The following TFPI variants were observed in gnomAD, a reference collection of about 807,000 sequenced individuals.
TFPI encodes the protein anti-convertin.
A neutral mutation model predicts 34.6 loss-of-function variants in TFPI; 15 were observed. The observed-to-expected ratio is 0.43, with a 90% CI of 0.29 to 0.67. The LOEUF (loss-of-function observed/expected upper bound fraction) is 0.67, where lower values mean the gene tolerates loss of function less well. Among genes scored for constraint, TFPI ranks in the 30% least tolerant of loss-of-function variants. The pLI is 0.15. For synonymous variants in TFPI, 105 were observed against 120.1 expected (o/e 0.87, Z 0.82); for missense variants, 301 against 364.0 (o/e 0.83, Z 1.41).
At chr2:187,510,413 T>C (rs1166625633) in intron 1 of TFPI, among the ~76,000 whole-genome samples, 3 of 152,162 alleles carry the variant, frequency 2.0e-5, no homozygotes, top group Non-Finnish European at 2.9e-5. Context: ...AAAAGCCCCT[T>C]GTGTTAAAAA....
At chr2:187,488,609 A>G (rs1693467678) in intron 3 of TFPI, among the ~76,000 whole-genome samples, 1 of 151,398 alleles carries the variant, frequency 6.6e-6, no homozygotes, top group Non-Finnish European at 1.5e-5. Context: ...AACTATGATA[A>G]AACTTTCTAA....
intron 3 of TFPI, among the ~76,000 whole-genome samples, chr2:187,489,293 A>G (rs1444073472): frequency 1.3e-5 from 2 of 151,376 alleles, no homozygotes; most frequent in Non-Finnish European, 3.0e-5. Context: ...TCTTCTATGG[A>G]GAGTAAAATG....
At chr2:187,532,074 G>A (rs1687986194) in intron 1 of TFPI, among the ~76,000 whole-genome samples, 1 of 151,990 alleles carries the variant, frequency 6.6e-6, no homozygotes, top group Non-Finnish European at 1.5e-5. Flanking sequence ...AAAACATAAA[G>A]CAGAATAAAG....
At chr2:187,473,796 G>A (rs1418276092) in intron 6 of TFPI, among the ~76,000 whole-genome samples, 1 of 150,946 alleles carries the variant, frequency 6.6e-6, no homozygotes, top group African/African-American at 2.4e-5. Flanking sequence ...AACAAGCACT[G>A]TGGAGCTTTT....
At chr2:187,486,443 A>G (rs1389674866) in intron 4 of TFPI, among the ~76,000 whole-genome samples, 1 of 151,610 alleles carries the variant, frequency 6.6e-6, no homozygotes. Flanking sequence ...AAGTATAATT[A>G]AGAAATTATA....
At chr2:187,550,517 C>A (rs1689059461) in intron 1 of TFPI, among the ~76,000 whole-genome samples, 1 of 151,990 alleles carries the variant, frequency 6.6e-6, no homozygotes, top group Admixed American at 6.6e-5. Context: ...ACAACATATA[C>A]CAACACCCAA....
chr2:187,513,918 T>A (rs918345829), intron 1 of TFPI: 1 of 152,200 alleles, frequency 6.6e-6, no homozygotes, highest in Admixed American at 6.5e-5. Context: ...AAGACAGCCC[T>A]CTACTTCAGA....
intron 6 of TFPI, among the ~76,000 whole-genome samples, chr2:187,478,320 A>T (rs1208139686): frequency 6.6e-6 from 1 of 152,214 alleles, no homozygotes; most frequent in African/African-American, 2.4e-5. Context: ...AGATCGCGCC[A>T]TTGCACTCCA....
chr2:187,467,789 T>C lies in TFPI; in HGVS notation c.772A>G (p.Thr258Ala), dbSNP rs1691798950. 6.2e-7 allele frequency: 1 copy of C among 1,611,156 alleles called. No homozygotes were observed. The highest frequency in any genetic ancestry group is 1.7e-5 in the Admixed American group (1 of 59,310). Residue 258 changes from threonine (T) to alanine (A), a missense_variant, in exon 7 of 8, where the codon ACT becomes GCT. Coordinates refer to ENST00000233156, the MANE Select transcript of TFPI (RefSeq NM_006287.6). ...SGCGGNENNF[T>A]SKQECLRACK... is the part of the protein sequence containing the mutation. ...GCCCTCAGACATTCTTGTTTGGAAG[T>C]AAAATTGTTTTCATTTCCCCCACAT...
chr2:187,503,373 G>A (rs1371057790), intron 2 of TFPI, among the ~76,000 whole-genome samples: 1 of 151,652 alleles, frequency 6.6e-6, no homozygotes, highest in Non-Finnish European at 1.5e-5. Context: ...AGCTACTCCA[G>A]TGTTTAATAT....
intron 2 of TFPI, 85 bp from the exon 3 acceptor site, chr2:187,497,163 A>C: frequency 8.1e-7 from 1 of 1,230,588 alleles, no homozygotes; most frequent in South Asian, 1.5e-5. Flanking sequence ...ATATGTCCTG[A>C]TTTTAAGGAA....
chr2:187,531,868 T>C (rs1262661030), intron 1 of TFPI, among the ~76,000 whole-genome samples: 1 of 152,154 alleles, frequency 6.6e-6, no homozygotes, highest in South Asian at 2.1e-4. Flanking sequence ...AATACTTTCT[T>C]CCAAAGGTAG....
At chr2:187,497,131 A>G (rs1685539333) in intron 2 of TFPI, 53 bp from the exon 3 acceptor site, 2 of 1,465,416 alleles carry the variant, frequency 1.4e-6, no homozygotes, top group Admixed American at 2.0e-5. Flanking sequence ...ACACTGTAAT[A>G]ATGTTCTTTA....
At chr2:187,488,236 G>A in intron 4 of TFPI, 101 bp downstream of exon 4, 1 of 888,888 alleles carries the variant, frequency 1.1e-6, no homozygotes, top group Admixed American at 2.7e-5. Flanking sequence ...TATCTATACT[G>A]AATCAGGGAC....
intron 6 of TFPI, among the ~76,000 whole-genome samples, chr2:187,476,162 T>G (rs1692358064): frequency 6.6e-6 from 1 of 152,186 alleles, no homozygotes; most frequent in African/African-American, 2.4e-5. Context: ...TGCATCCATG[T>G]GATCATATCT....
At chr2:187,494,293 A>C (rs6736363) in intron 3 of TFPI, among the ~76,000 whole-genome samples, 1 of 151,852 alleles carries the variant, frequency 6.6e-6, no homozygotes, top group Non-Finnish European at 1.5e-5. Flanking sequence ...GTGAAACCAT[A>C]TAACACACAT....
At chr2:187,478,299 G>A (rs1255874369) in intron 6 of TFPI, among the ~76,000 whole-genome samples, 4 of 152,188 alleles carry the variant, frequency 2.6e-5, no homozygotes, top group Non-Finnish European at 5.9e-5. Context: ...GGCGGAGATT[G>A]CAGTGAGCCG....
chr2:187,506,481 A>G (rs1433892229), intron 1 of TFPI, among the ~76,000 whole-genome samples: 1 of 152,154 alleles, frequency 6.6e-6, no homozygotes, highest in Non-Finnish European at 1.5e-5. Flanking sequence ...GTTACTAACT[A>G]AAGTCCATAT....
At chr2:187,479,664 T>A (rs2105990223) in intron 6 of TFPI, among the ~76,000 whole-genome samples, 1 of 149,580 alleles carries the variant, frequency 6.7e-6, no homozygotes, top group East Asian at 2.0e-4. Flanking sequence ...ATTCCATTTT[T>A]AAGTCAATGC....
Sources: gnomAD v4.1 joint callset for allele counts (sites outside exome capture counted in the v4.1 genomes callset) on GRCh38, gnomAD v4.1.1 for gene constraint, MANE v1.5 for transcripts, NCBI Gene and HGNC (gene_info 2026-07-23, HGNC 2026-07-21) for gene names.